Variants in SNRPN observed in about 807,000 individuals in gnomAD.
The protein encoded by SNRPN is small nuclear ribonucleoprotein-associated protein N.
In SNRPN, 7 loss-of-function variants were observed where a neutral mutation model predicts 25.2. The observed-to-expected ratio is 0.28, with a 90% confidence interval of 0.16 to 0.52. The LOEUF (loss-of-function observed/expected upper bound fraction) is 0.52, where lower values mean the gene tolerates loss of function less well. Ranked by LOEUF, SNRPN falls within the 20% of genes least tolerant of loss-of-function variation. The pLI is 0.96. For missense variants in SNRPN, 196 were observed against 322.5 expected, an observed-to-expected ratio of 0.61 and a Z score of 3.00; for synonymous variants, 124 against 110.6, an observed-to-expected ratio of 1.12 and a Z score of -0.76.
At chr15:24,907,646 A>G (rs2058910497) in intron 2 of SNRPN, among the ~76,000 whole-genome samples, 1 of 151,358 alleles carries the variant, frequency 6.6e-6, no homozygotes. Context: ...GTGAAATAGT[A>G]TGTTGCCCAG....
intron 3 of SNRPN, among the ~76,000 whole-genome samples, chr15:24,942,059 T>C (rs1203362292): frequency 1.3e-5 from 2 of 152,206 alleles, no homozygotes; most frequent in Non-Finnish European, 2.9e-5. Context: ...ATTACAGGCA[T>C]GAGCCACCGT....
upstream of SNRPN, chr15:24,954,925 G>A (rs1304984596): frequency 2.1e-6 from 3 of 1,427,964 alleles, no homozygotes; most frequent in African/African-American, 2.8e-5. Context: ...GCAGAGGCAG[G>A]CTGGCGCGCA....
chr15:24,835,034 GTA>G lies in SNRPN; in HGVS notation c.-579+5137_-579+5138del, dbSNP rs1364469085. 7.0e-5 allele frequency among the ~76,000 whole-genome samples: 3 copies of G among 42,974 alleles called. No homozygotes were observed. The East Asian group carries it at 4.9e-3, about 70-fold the overall frequency. 28.2% of individuals were successfully genotyped at this position (42,974 alleles called of 152,430 possible). A position where few individuals can be genotyped will look rare whatever the true frequency, so the allele number is the denominator to read the frequency against. On this transcript the variant is annotated intron_variant, in intron 2 of 12. Transcript: ENST00000400100. The stretch of plus-strand genomic sequence containing the variant: ...TCTATATATAAAATAGATATATATA[GTA>G]TATATATCTATATATAAAAATATAG...
chr15:24,834,724 TCTCC>T (rs1156867762), intron 2 of SNRPN, among the ~76,000 whole-genome samples: 4 of 65,958 alleles, frequency 6.1e-5, no homozygotes, highest in South Asian at 5.5e-4. Flanking sequence ...TGTCTCTCTC[TCTCC>T]CTCTCTCTCT....
In SNRPN at chr15:24,865,953, C is replaced by T. The variant is rs192340278; in HGVS notation, c.-579+9237C>T. 3.2e-3 allele frequency among the ~76,000 whole-genome samples: 492 copies of T among 152,224 alleles called. 1 individual carries two copies. Among genetic ancestry groups the T allele is most frequent in the Admixed American group, 7.9e-3 (121 of 15,282 alleles). On this transcript the variant is annotated intron_variant, in intron 1 of 11. Transcript: ENST00000400097. ...GGGGCTTAGGATTTTATTTTTAATT[C>T]TCATAGAGGAGTGTTGAAGTCACCG...
intron 1 of SNRPN, among the ~76,000 whole-genome samples, chr15:24,871,470 A>T (rs1029442979): frequency 6.6e-6 from 1 of 151,946 alleles, no homozygotes; most frequent in Non-Finnish European, 1.5e-5. Context: ...ACTTAAAAAT[A>T]TGCCTTTAAT....
At chr15:24,890,426 C>T (rs2057576820) in intron 2 of SNRPN, among the ~76,000 whole-genome samples, 1 of 152,156 alleles carries the variant, frequency 6.6e-6, no homozygotes, top group African/African-American at 2.4e-5. Context: ...CCTGTAATCC[C>T]AGTACTTTGG....
At chr15:24,935,684 G>A (rs2061179361) in intron 3 of SNRPN, among the ~76,000 whole-genome samples, 1 of 152,142 alleles carries the variant, frequency 6.6e-6, no homozygotes, top group Non-Finnish European at 1.5e-5. Context: ...TATAATCAAG[G>A]GAAGTTTTAA....
chr15:24,845,946 G>A (rs1173192176), intron 2 of SNRPN, among the ~76,000 whole-genome samples: 4 of 151,956 alleles, frequency 2.6e-5, no homozygotes, highest in Admixed American at 1.3e-4. Flanking sequence ...TTAGCCGAGC[G>A]TGGTGGCAAG....
chr15:24,830,322 C>T (rs114181275), intron 2 of SNRPN, among the ~76,000 whole-genome samples: 1,775 of 152,110 alleles, frequency 0.012, 51 homozygotes, highest in African/African-American at 0.04. Flanking sequence ...TGATCTTAAG[C>T]AACAGTCCTG....
chr15:24,922,829 A>G (rs997309257), intron 3 of SNRPN, among the ~76,000 whole-genome samples: 5 of 147,708 alleles, frequency 3.4e-5, no homozygotes, highest in East Asian at 2.1e-4. Context: ...GCATATCACT[A>G]TAGGTATACA....
Position 24,864,197 on chromosome 15 carries a change from T to C in SNRPN, c.-579+7481T>C, listed in dbSNP as rs1331621256. ...GCCCACCACAACGCCCGGCTAATTT[T>C]TTTTGTATTTTTAGTAGAGACGGGG... On this transcript the variant is annotated intron_variant, in intron 1 of 11. Transcript: ENST00000400097. Among the ~76,000 whole-genome samples the C allele has an allele frequency of 2.3e-5, 3 of 131,214 alleles. 1 individual carries two copies. The allele number at this position is 131,214 out of a possible 152,430, so 86.1% of individuals were successfully genotyped here. A position where few individuals can be genotyped will look rare whatever the true frequency, so the allele number is the denominator to read the frequency against.
At chr15:24,865,961 G>A (rs1266892735) in intron 1 of SNRPN, among the ~76,000 whole-genome samples, 1 of 152,090 alleles carries the variant, frequency 6.6e-6, no homozygotes, top group African/African-American at 2.4e-5. Context: ...TTCTCATAGA[G>A]GAGTGTTGAA....
chr15:24,939,878 C>T (rs1303217338), intron 3 of SNRPN, among the ~76,000 whole-genome samples: 1 of 151,818 alleles, frequency 6.6e-6, no homozygotes, highest in Non-Finnish European at 1.5e-5. Flanking sequence ...CAACCTCCAC[C>T]TTCCGGGTTC....
At chr15:24,846,349 A>G (rs528031683) in intron 2 of SNRPN, among the ~76,000 whole-genome samples, 1 of 152,174 alleles carries the variant, frequency 6.6e-6, no homozygotes, top group Non-Finnish European at 1.5e-5. Flanking sequence ...CATTTTTACA[A>G]ACTAAGCAAA....
chr15:24,830,131 C>G (rs2050398471), intron 2 of SNRPN, among the ~76,000 whole-genome samples: 1 of 152,076 alleles, frequency 6.6e-6, no homozygotes, highest in Non-Finnish European at 1.5e-5. Context: ...TTTATTCTTT[C>G]TACCACACGT....
chr15:24,887,154 T>C (rs2057269318), intron 2 of SNRPN, among the ~76,000 whole-genome samples: 1 of 150,858 alleles, frequency 6.6e-6, no homozygotes, highest in Non-Finnish European at 1.5e-5. Flanking sequence ...GTCTTTTTTT[T>C]TTTTTTTTTT....
chr15:24,872,483 C>T lies in SNRPN; in HGVS notation c.-578-14033C>T, dbSNP rs892954684. Among the ~76,000 whole-genome samples the T allele has an allele frequency of 1.2e-4, 15 of 120,264 alleles. 4 individuals carry two copies. The highest frequency in any genetic ancestry group is 3.4e-4 in the African/African-American group (12 of 34,988). The allele number at this position is 120,264 out of a possible 152,430, so 78.9% of individuals were successfully genotyped here. On this transcript the variant is annotated intron_variant, in intron 1 of 11. Coordinates refer to the SNRPN transcript ENST00000400097. Reference sequence around the variant, plus strand: ...AGTTTAGGCTGGGCGCAGTGGCTCACGCCTGTAATCCCAGCACTGTGGGAG... The same window carrying T: ...AGTTTAGGCTGGGCGCAGTGGCTCATGCCTGTAATCCCAGCACTGTGGGAG...
At position 24,962,223 on chromosome 15, in the gene SNRPN, G is replaced by C; in HGVS notation, c.-295+14G>C. 6.2e-7 allele frequency: 1 copy of C among 1,607,256 alleles called. No individual in the cohort carries two copies. The highest frequency in any genetic ancestry group is 1.1e-5 in the South Asian group (1 of 90,934). On this transcript the variant is annotated intron_variant, in intron 2 of 9. Coordinates refer to ENST00000390687, the MANE Select transcript of SNRPN (RefSeq NM_003097.6). ...GAGCAACCAAGAGTGAGTACAGACT[G>C]TGTTGGGAACAAATGCAAGTCAGAA... is the stretch of plus-strand genomic sequence containing the variant.
Sources: allele counts gnomAD v4.1 joint callset (sites outside exome capture counted in the v4.1 genomes callset), GRCh38; gene constraint gnomAD v4.1.1; transcripts MANE v1.5; gene names NCBI Gene and HGNC (gene_info 2026-07-23, HGNC 2026-07-21).